RASA2: variants seen among roughly 807,000 people sequenced by gnomAD.
The protein encoded by RASA2 is ras GTPase-activating protein 2.
RASA2 carries 155 observed loss-of-function variants against 118.2 expected under a neutral mutation model. The observed-to-expected ratio is 1.31, with a 90% CI of 1.15 to 1.50. RASA2 has a LOEUF of 1.50. Among genes scored for constraint, RASA2 ranks in the 40% most tolerant of loss-of-function variants. The pLI is 0.00. For synonymous variants in RASA2, 353 were observed against 349.1 expected (o/e 1.01, Z -0.12); for missense variants, 1,016 against 1,009.6 (o/e 1.01, Z -0.09).
intron 19 of RASA2, among the ~76,000 whole-genome samples, chr3:141,604,218 C>T (rs1257211453): frequency 1.3e-5 from 2 of 152,130 alleles, no homozygotes; most frequent in African/African-American, 4.8e-5. Flanking sequence ...ATTGTGATTA[C>T]CATTACTACT....
At position 141,582,258 on chromosome 3, in the gene RASA2, C is replaced by G. The variant is rs1003469305; in HGVS notation, c.1752+1081C>G. On this transcript the variant is annotated intron_variant, in intron 17 of 23. Coordinates refer to ENST00000286364, the MANE Select transcript of RASA2 (RefSeq NM_006506.5). ...AAATGATGATTTAAAAAATTCAAGT[C>G]CGTTGGAATATTTTTCATCTGGAAT... Among the ~76,000 whole-genome samples, 3 of 152,152 alleles carry G rather than the reference C, an allele frequency of 2.0e-5. 1 individual carries two copies.
intron 7 of RASA2, among the ~76,000 whole-genome samples, chr3:141,556,335 C>G (rs2082649532): frequency 6.6e-6 from 1 of 152,174 alleles, no homozygotes; most frequent in African/African-American, 2.4e-5. Context: ...CTAAATGTGA[C>G]TCAAGTTTCT....
At chr3:141,539,084 T>TAC (rs1265975368) in intron 4 of RASA2, among the ~76,000 whole-genome samples, 6 of 152,226 alleles carry the variant, frequency 3.9e-5, no homozygotes, top group Non-Finnish European at 8.8e-5. Flanking sequence ...AAGTAATACA[T>TAC]ACATGCTGTC....
chr3:141,573,745 C>G (rs1361030662), intron 13 of RASA2, among the ~76,000 whole-genome samples, 199 bp from the exon 14 acceptor site: 1 of 152,104 alleles, frequency 6.6e-6, no homozygotes, highest in Non-Finnish European at 1.5e-5. Context: ...CCTAGCAAAT[C>G]TAAATTTAAT....
chr3:141,590,023 A>G (rs2083264437), intron 19 of RASA2: 1 of 425,824 alleles, frequency 2.3e-6, no homozygotes, highest in African/African-American at 2.1e-5. Context: ...TGAAGTTTCA[A>G]GCTTATTTAC....
rs368735352 is a variant in RASA2, at chr3:141,527,099, A to G, written c.356-2609A>G. 5.3e-5 allele frequency among the ~76,000 whole-genome samples: 8 copies of G among 152,328 alleles called. No homozygotes were observed. In the East Asian group the frequency reaches 1.5e-3, roughly 29 times the overall value. The stretch of plus-strand genomic sequence containing the variant: ...AGGGAAGCCTGGAAATCAAATCAGC[A>G]TTTACAACACAATGCCATTGTGATT... On this transcript the variant is annotated intron_variant, in intron 3 of 23. Transcript: ENST00000286364.
intron 13 of RASA2, among the ~76,000 whole-genome samples, chr3:141,573,672 CT>C (rs748072795): frequency 1.3e-5 from 2 of 152,120 alleles, no homozygotes; most frequent in South Asian, 4.1e-4. Flanking sequence ...TTGTGATTTC[CT>C]TTTGGATCAT....
At chr3:141,532,127 A>T (rs2082268810) in intron 4 of RASA2, among the ~76,000 whole-genome samples, 1 of 152,100 alleles carries the variant, frequency 6.6e-6, no homozygotes, top group African/African-American at 2.4e-5. Flanking sequence ...TCAAAGTAGC[A>T]TTATGAGGTA....
chr3:141,600,154 T>C, intron 19 of RASA2: 1 of 285,106 alleles, frequency 3.5e-6, no homozygotes, highest in Non-Finnish European at 7.2e-6. Flanking sequence ...TAAAAACAGT[T>C]GACTCCAAAC....
intron 23 of RASA2, among the ~76,000 whole-genome samples, chr3:141,611,016 C>G (rs2083643370): frequency 6.6e-6 from 1 of 152,172 alleles, no homozygotes; most frequent in African/African-American, 2.4e-5. Context: ...ACAACAGCAA[C>G]AACTCGCATT....
chr3:141,512,122 T>C lies in RASA2; in HGVS notation c.134-41T>C, dbSNP rs773896147. 1.0e-5 allele frequency: 14 copies of C among 1,360,574 alleles called. No individual in the cohort carries two copies. In the Admixed American group the frequency reaches 1.9e-4, roughly 19 times the overall value. The allele number at this position is 1,360,574 out of a possible 1,614,324, so 84.3% of individuals were successfully genotyped here. On this transcript the variant is annotated intron_variant, in intron 1 of 23. Coordinates refer to ENST00000286364, the MANE Select transcript of RASA2 (RefSeq NM_006506.5). ...CTATATAAGGCTTAGTATGAAGCAG[T>C]TGATGATATTTAATAACAATTTTAA...
At chr3:141,497,431 A>G (rs1207925448) in intron 1 of RASA2, among the ~76,000 whole-genome samples, 2 of 151,992 alleles carry the variant, frequency 1.3e-5, no homozygotes, top group African/African-American at 4.8e-5. Flanking sequence ...AATGAACTTG[A>G]TACAGTATTA....
chr3:141,594,994 G>C (rs185487309), intron 19 of RASA2, among the ~76,000 whole-genome samples: 25 of 152,266 alleles, frequency 1.6e-4, no homozygotes, highest in Admixed American at 3.9e-4. Flanking sequence ...CAAAGGAAGG[G>C]GGTGGAGTAA....
intron 19 of RASA2, 44 bp from the exon 20 acceptor site, chr3:141,607,634 G>A (rs1234047279): frequency 2.0e-6 from 3 of 1,514,688 alleles, no homozygotes; most frequent in Non-Finnish European, 2.6e-6. Flanking sequence ...TTATAATTCT[G>A]ATGGAAATTA....
intron 3 of RASA2, among the ~76,000 whole-genome samples, chr3:141,516,836 C>T (rs892596753): frequency 2.0e-5 from 3 of 150,966 alleles, no homozygotes; most frequent in African/African-American, 7.3e-5. Context: ...TGCAGTGGTG[C>T]GATCTTGGCT....
chr3:141,490,732 G>A (rs898009459), intron 1 of RASA2, among the ~76,000 whole-genome samples: 3 of 152,330 alleles, frequency 2.0e-5, no homozygotes, highest in Non-Finnish European at 2.9e-5. Context: ...TTAAGTGCTT[G>A]AGCTTAGAGG....
chr3:141,610,354 T>TA (rs1491374715), intron 23 of RASA2, among the ~76,000 whole-genome samples: 4 of 126,114 alleles, frequency 3.2e-5, no homozygotes, highest in African/African-American at 6.0e-5. Flanking sequence ...TATATTTATA[T>TA]TTATATATTA....
intron 9 of RASA2, among the ~76,000 whole-genome samples, chr3:141,569,082 G>A (rs1490002360): frequency 2.0e-5 from 3 of 152,012 alleles, no homozygotes; most frequent in Non-Finnish European, 2.9e-5. Flanking sequence ...TTGGTTTCTG[G>A]TTATAGTTAA....
At chr3:141,592,245 G>A (rs1199387148) in intron 19 of RASA2, among the ~76,000 whole-genome samples, 1 of 152,130 alleles carries the variant, frequency 6.6e-6, no homozygotes, top group African/African-American at 2.4e-5. Flanking sequence ...TCTAAAGATG[G>A]TCGGGGAGTG....
Sources: gnomAD v4.1 joint callset for allele counts (sites outside exome capture counted in the v4.1 genomes callset) on GRCh38, gnomAD v4.1.1 for gene constraint, MANE v1.5 for transcripts, NCBI Gene and HGNC (gene_info 2026-07-23, HGNC 2026-07-21) for gene names.